The following LAP3 variants were observed in gnomAD, a reference collection of about 807,000 sequenced individuals.
LAP3 encodes cytosol aminopeptidase.
Under a neutral mutation model 58.8 loss-of-function variants are expected in LAP3, and 46 were observed. That is an observed-to-expected ratio of 0.78 (90% confidence interval 0.62 to 1.00). The LOEUF (loss-of-function observed/expected upper bound fraction) is 1.00. Ranked by LOEUF, LAP3 falls within the 50% of genes least tolerant of loss-of-function variation. LAP3 has a pLI of 0.00. For synonymous variants in LAP3, 257 were observed against 237.7 expected (o/e 1.08, Z -0.75); for missense variants, 615 against 659.1 (o/e 0.93, Z 0.73).
chr4:17,578,628 C>T (rs1713273834), intron 1 of LAP3, among the ~76,000 whole-genome samples: 1 of 152,190 alleles, frequency 6.6e-6, no homozygotes, highest in Non-Finnish European at 1.5e-5. Context: ...TTCTTTCCAC[C>T]TCACAGAGTT....
chr4:17,579,332 G>A (rs4698619), intron 1 of LAP3, among the ~76,000 whole-genome samples: 94,376 of 151,946 alleles, frequency 0.62, 29,948 homozygotes, highest in East Asian at 0.88. Context: ...CTGGTACAGG[G>A]AGATCACCTT....
At chr4:17,585,825 T>C (rs773388919) in intron 6 of LAP3, 1 of 152,256 alleles carries the variant, frequency 6.6e-6, no homozygotes, top group Non-Finnish European at 1.5e-5. Context: ...AGTTACTCCC[T>C]GTTTCCCATT....
chr4:17,582,260 T>A (rs781225855), intron 3 of LAP3, 28 bp from the exon 4 acceptor site: 1 of 1,545,740 alleles, frequency 6.5e-7, no homozygotes, highest in Non-Finnish European at 8.9e-7. Context: ...AGAAATAAAG[T>A]GGTTGATTTG....
At chr4:17,600,071 G>A (rs1713946342) in intron 10 of LAP3, among the ~76,000 whole-genome samples, 1 of 152,128 alleles carries the variant, frequency 6.6e-6, no homozygotes, top group Non-Finnish European at 1.5e-5. Flanking sequence ...AAATCCCAAT[G>A]TTCATAATCT....
intron 7 of LAP3, among the ~76,000 whole-genome samples, chr4:17,589,550 A>T (rs1713623490): frequency 6.6e-6 from 1 of 152,230 alleles, no homozygotes; most frequent in East Asian, 1.9e-4. Flanking sequence ...ACCATGACTC[A>T]GAGTTTAAAT....
chr4:17,593,277 T>A (rs1318389556), intron 7 of LAP3, among the ~76,000 whole-genome samples: 1 of 152,222 alleles, frequency 6.6e-6, no homozygotes, highest in Non-Finnish European at 1.5e-5. Flanking sequence ...TTTGAATCTT[T>A]GTGTATGGTG....
intron 5 of LAP3, among the ~76,000 whole-genome samples, chr4:17,584,404 T>C (rs115988955): frequency 6.6e-6 from 1 of 152,362 alleles, no homozygotes; most frequent in African/African-American, 2.4e-5. Flanking sequence ...CACCCACCTC[T>C]GTGCTGCCAT....
Position 17,577,337 on chromosome 4 carries a change from C to A in LAP3, c.-129C>A. 1 of 423,050 alleles carries A rather than the reference C, an allele frequency of 2.4e-6. No homozygotes were observed. Among genetic ancestry groups the A allele is most frequent in the Non-Finnish European group, 3.6e-6 (1 of 276,030 alleles). The allele number at this position is 423,050 out of a possible 1,614,324, so 26.2% of individuals were successfully genotyped here. A position where few individuals can be genotyped will look rare whatever the true frequency, so the allele number is the denominator to read the frequency against. On this transcript the variant is annotated 5_prime_UTR_variant, in exon 1 of 13. Coordinates refer to ENST00000226299, the MANE Select transcript of LAP3 (RefSeq NM_015907.3). ...CCGTCCCGCCCCCTAGACGCACGTC[C>A]GCTCGCCCGGCGCCCGAGCCAGTCC... is the stretch of plus-strand genomic sequence containing the variant.
intron 5 of LAP3, 94 bp downstream of exon 5, chr4:17,583,736 A>G: frequency 7.1e-7 from 1 of 1,404,096 alleles, no homozygotes; most frequent in Non-Finnish European, 9.9e-7. Context: ...AGCGCCACCC[A>G]CAGCTGCGTG....
chr4:17,580,331 T>C (rs183852822), intron 2 of LAP3, among the ~76,000 whole-genome samples: 87 of 149,158 alleles, frequency 5.8e-4, no homozygotes, highest in African/African-American at 2.1e-3. Context: ...AGAATATTTT[T>C]CTATGCCTTT....
At position 17,577,233 on chromosome 4, in the gene LAP3, C is replaced by CACGAATGCGGGCGCAT; in HGVS notation, c.-218_-217insTACGAATGCGGGCGCA. 2.7e-6 allele frequency: 1 copy of CACGAATGCGGGCGCAT among 377,272 alleles called. No homozygotes were observed. The highest frequency in any genetic ancestry group is 4.7e-6 in the Non-Finnish European group (1 of 212,264). 23.4% of individuals were successfully genotyped at this position (377,272 alleles called of 1,614,324 possible). On this transcript the variant is annotated 5_prime_UTR_variant, in exon 1 of 13. It adds an upstream start codon to the 5' untranslated region. Coordinates refer to ENST00000226299, the MANE Select transcript of LAP3 (RefSeq NM_015907.3). ...GCGGGCGCACACGAATGCGGGCGCA[C>CACGAATGCGGGCGCAT]ACGAATGCGGGCGCACCCTTGAGTC...
chr4:17,595,879 G>A (rs1380133176), intron 8 of LAP3, among the ~76,000 whole-genome samples: 2 of 152,084 alleles, frequency 1.3e-5, no homozygotes, highest in African/African-American at 2.4e-5. Flanking sequence ...TGATTGCTTC[G>A]TAGGATTGTG....
intron 2 of LAP3, among the ~76,000 whole-genome samples, chr4:17,581,287 C>T (rs1379976533): frequency 6.6e-6 from 1 of 152,232 alleles, no homozygotes; most frequent in Non-Finnish European, 1.5e-5. Context: ...GTTTGAGATT[C>T]ATTCGGTTCA....
Position 17,577,548 on chromosome 4 carries a change from C to T in LAP3, c.83C>T (p.Ser28Phe). 2 of 1,567,046 alleles carry T rather than the reference C, an allele frequency of 1.3e-6. No individual in the cohort carries two copies. Among genetic ancestry groups the T allele is most frequent in the Non-Finnish European group, 8.6e-7 (1 of 1,157,372 alleles). ...AVRRFGSRSL[S>F]TADMTKGLVL... The stretch of plus-strand genomic sequence containing the variant: ...AGACGTTTCGGGAGCCGGAGTCTCT[C>T]CACCGCAGACATGACGAAGGTGAGA... The change falls in exon 1 of 13, where the codon TCC becomes TTC. Residue 28 changes from serine to phenylalanine, a missense_variant. By Grantham distance (155) the Ser-to-Phe change is radical (BLOSUM62 -2). Transcript: ENST00000226299.
At position 17,583,503 on chromosome 4, in the gene LAP3, G is replaced by T. The variant is rs1223678853; in HGVS notation, c.400G>T (p.Asp134Tyr). Residue 134 changes from aspartate (D) to tyrosine (Y), a missense_variant, in exon 5 of 13, where the codon GAC (aspartate) becomes TAC (tyrosine). Transcript: ENST00000226299. The stretch of plus-strand genomic sequence containing the variant: ...TCAAGCGGGGTGCAGGCAGATTCAA[G>T]ACCTGGAGCTCTCGTCTGTGGAGGT... Reference protein sequence around the residue: ...AVAAGCRQIQDLELSSVEVDP... With the variant: ...AVAAGCRQIQYLELSSVEVDP... 5.0e-6 allele frequency: 8 copies of T among 1,613,890 alleles called. No homozygotes were observed. The East Asian group carries it at 1.8e-4, about 36-fold the overall frequency.
At chr4:17,588,119 T>C (rs770061028) in intron 6 of LAP3, among the ~76,000 whole-genome samples, 29 of 152,082 alleles carry the variant, frequency 1.9e-4, no homozygotes, top group Non-Finnish European at 3.7e-4. Context: ...CCTTGACCTC[T>C]AGGGCTCAAG....
chr4:17,591,217 C>T (rs1713683900), intron 7 of LAP3, among the ~76,000 whole-genome samples: 1 of 152,118 alleles, frequency 6.6e-6, no homozygotes, highest in Admixed American at 6.5e-5. Context: ...GCTGGGATTA[C>T]AGGTGCCTGC....
chr4:17,588,671 A>G lies in LAP3; in HGVS notation c.705-148A>G, dbSNP rs965110412. 10 of 680,738 alleles carry G rather than the reference A, an allele frequency of 1.5e-5. No individual in the cohort carries two copies. In the Admixed American group the frequency reaches 2.9e-4, roughly 20 times the overall value. 42.2% of individuals were successfully genotyped at this position (680,738 alleles called of 1,614,324 possible). A position where few individuals can be genotyped will look rare whatever the true frequency, so the allele number is the denominator to read the frequency against. ...TTGCCCAAGAATATACAGAAAGCAA[A>G]TAATGGGACCTGATAATTGAAACCT... On this transcript the variant is annotated intron_variant, in intron 6 of 12. Coordinates refer to ENST00000226299, the MANE Select transcript of LAP3 (RefSeq NM_015907.3).
At position 17,577,287 on chromosome 4, in the gene LAP3, G is replaced by T. The variant is rs937819507; in HGVS notation, c.-179G>T. ...TCCACAACCGCGGTTTGATCCCAGC[G>T]GTCCAGTCGGCCGGTGCTGCCCATC... On this transcript the variant is annotated 5_prime_UTR_variant, in exon 1 of 13. Transcript: ENST00000226299. The T allele has an allele frequency of 1.6e-5, 2 of 124,726 alleles. No individual in the cohort carries two copies. Among genetic ancestry groups the T allele is most frequent in the South Asian group, 7.6e-5 (1 of 13,214 alleles). The allele number at this position is 124,726 out of a possible 1,614,324, so 7.7% of individuals were successfully genotyped here.
Sources: gnomAD v4.1 joint callset for allele counts (sites outside exome capture counted in the v4.1 genomes callset) on GRCh38, gnomAD v4.1.1 for gene constraint, MANE v1.5 for transcripts, NCBI Gene and HGNC (gene_info 2026-07-23, HGNC 2026-07-21) for gene names.